Variants in MED12L observed in about 807,000 individuals in gnomAD.
The protein encoded by MED12L is mediator complex subunit 12L, also known as mediator of RNA polymerase II transcription subunit 12-like protein.
In MED12L, 60 loss-of-function variants were observed where a neutral mutation model predicts 281.3. The ratio of observed to expected loss-of-function variants is 0.21; its 90% CI spans 0.17 to 0.26. The LOEUF (loss-of-function observed/expected upper bound fraction) is 0.26, where lower values mean the gene tolerates loss of function less well. MED12L is among the 10% of genes least tolerant of loss of function. MED12L has a pLI of 1.00. For synonymous variants in MED12L, 974 were observed against 987.2 expected (o/e 0.99, Z 0.25); for missense variants, 2,146 against 2,680.9 (o/e 0.80, Z 4.41).
intron 16 of MED12L, among the ~76,000 whole-genome samples, chr3:151,217,163 C>T (rs938329593): frequency 6.6e-6 from 1 of 152,060 alleles, no homozygotes; most frequent in Admixed American, 6.5e-5. Flanking sequence ...TTAATGAGAG[C>T]CAAATTCCTT....
chr3:151,199,125 G>A (rs1305982021), intron 16 of MED12L: 2 of 1,613,860 alleles, frequency 1.2e-6, no homozygotes, highest in Non-Finnish European at 1.7e-6. Flanking sequence ...GCTGTTACTT[G>A]GCAGTGGAAT....
chr3:151,251,133 G>T (rs530745847), intron 16 of MED12L, among the ~76,000 whole-genome samples: 42 of 152,248 alleles, frequency 2.8e-4, no homozygotes, highest in African/African-American at 7.7e-4. Flanking sequence ...TGAGCCCCAT[G>T]CTTTTGCCTT....
chr3:151,406,222 C>A (rs1350313657), intron 39 of MED12L, among the ~76,000 whole-genome samples: 1 of 152,184 alleles, frequency 6.6e-6, no homozygotes, highest in Non-Finnish European at 1.5e-5. Flanking sequence ...TTTACTAATT[C>A]TCAGTCTCTA....
In MED12L at chr3:151,383,833, G is replaced by A; in HGVS notation, c.4735G>A (p.Ala1579Thr). 4 of 1,614,038 alleles carry A rather than the reference G, an allele frequency of 2.5e-6. No homozygotes were observed. The highest frequency in any genetic ancestry group is 3.4e-6 in the Non-Finnish European group (4 of 1,179,950). ...QRSTQWTTDW[A>T]LLLLQIITSG... ...GAGCACCCAGTGGACTACAGACTGG[G>A]CCCTGCTACTCCTTCAGATCATTAC... The change falls in exon 34 of 45, where the codon GCC becomes ACC. Residue 1579 changes from alanine (A) to threonine (T), a missense_variant. Physicochemically the swap from Ala to Thr is moderately conservative, Grantham distance 58. This residue lies in a region of MED12L where 212 missense variants were observed against 340.8 expected (regional missense o/e 0.62). Coordinates refer to ENST00000687756, the MANE Select transcript of MED12L (RefSeq NM_001393769.1).
rs190030721 is a variant in MED12L at position 151,145,511 on chromosome 3, C to T, written c.557-10650C>T. Reference sequence around the variant, plus strand: ...AATATCTCCAGCATTTTAAATCTGGCGTATTCAAAACTAAACTGAAAACTG... The same window carrying T: ...AATATCTCCAGCATTTTAAATCTGGTGTATTCAAAACTAAACTGAAAACTG... On this transcript the variant is annotated intron_variant, in intron 5 of 44. Coordinates refer to ENST00000687756, the MANE Select transcript of MED12L (RefSeq NM_001393769.1). 1.9e-3 allele frequency among the ~76,000 whole-genome samples: 290 copies of T among 152,252 alleles called. 1 individual carries two copies. Among genetic ancestry groups the T allele is most frequent in the African/African-American group, 6.4e-3 (266 of 41,536 alleles).
At chr3:151,096,678 T>C (rs1458214830) in intron 2 of MED12L, among the ~76,000 whole-genome samples, 1 of 152,186 alleles carries the variant, frequency 6.6e-6, no homozygotes, top group Non-Finnish European at 1.5e-5. Flanking sequence ...CCATGCATGT[T>C]TATAGCTAGA....
At chr3:151,245,955 A>G (rs1474456351) in intron 16 of MED12L, among the ~76,000 whole-genome samples, 1 of 151,336 alleles carries the variant, frequency 6.6e-6, no homozygotes, top group Non-Finnish European at 1.5e-5. Flanking sequence ...CAAAAATCAC[A>G]AGCATTCTTA....
chr3:151,178,664 A>G (rs374157647), intron 11 of MED12L, among the ~76,000 whole-genome samples: 80 of 152,298 alleles, frequency 5.3e-4, no homozygotes, highest in African/African-American at 1.9e-3. Context: ...TGCTATCTCT[A>G]TGCCTTGCAG....
intron 2 of MED12L, among the ~76,000 whole-genome samples, chr3:151,105,056 G>A (rs1721835983): frequency 6.6e-6 from 1 of 152,128 alleles, no homozygotes; most frequent in Non-Finnish European, 1.5e-5. Flanking sequence ...TTGAGGGACC[G>A]AATTCTACCC....
At chr3:151,316,379 A>G (rs908617779) in intron 16 of MED12L, 4 of 152,198 alleles carry the variant, frequency 2.6e-5, no homozygotes, top group Non-Finnish European at 5.9e-5. Context: ...TTGAAGGCAC[A>G]ATATGTAGTT....
At position 151,435,435 on chromosome 3, in the gene MED12L, T is replaced by C. The variant is rs1471124397; in HGVS notation, c.*2631T>C. On this transcript the variant is annotated 3_prime_UTR_variant, in exon 45 of 45. Coordinates refer to ENST00000687756, the MANE Select transcript of MED12L (RefSeq NM_001393769.1). The stretch of plus-strand genomic sequence containing the variant: ...ACAGGGTACTAACATCAGACATAAG[T>C]TGCAACCAGGTCACATTTTAGGCTG... 5 of 152,166 alleles carry C rather than the reference T, an allele frequency of 3.3e-5. No individual in the cohort carries two copies. The highest frequency in any genetic ancestry group is 1.2e-4 in the African/African-American group (5 of 41,442). 9.4% of individuals were successfully genotyped at this position (152,166 alleles called of 1,614,324 possible).
Position 151,436,200 on chromosome 3 carries a change from T to TTATTTTCTG in MED12L, c.*3399_*3407dup, listed in dbSNP as rs1462402310. 2 of 153,952 alleles carry TTATTTTCTG rather than the reference T, an allele frequency of 1.3e-5. No homozygotes were observed. Among genetic ancestry groups the TTATTTTCTG allele is most frequent in the African/African-American group, 4.8e-5 (2 of 41,424 alleles). 9.5% of individuals were successfully genotyped at this position (153,952 alleles called of 1,614,324 possible). On this transcript the variant is annotated 3_prime_UTR_variant, in exon 45 of 45. Transcript: ENST00000687756. ...GGTGAATCATAAGACAGTTCAGTGC[T>TTATTTTCTG]TATTTTCTGTAGGTTTTAGCAAAAA...
At chr3:151,173,485 A>G (rs1721677337) in intron 11 of MED12L, among the ~76,000 whole-genome samples, 2 of 152,230 alleles carry the variant, frequency 1.3e-5, no homozygotes, top group African/African-American at 2.4e-5. Flanking sequence ...GCCATGAACA[A>G]TTTTCACCAA....
chr3:151,304,929 G>C (rs866220858), intron 16 of MED12L, among the ~76,000 whole-genome samples: 5 of 152,190 alleles, frequency 3.3e-5, no homozygotes. Flanking sequence ...GTTGAGGGGG[G>C]TGGATCCTTG....
intron 16 of MED12L, among the ~76,000 whole-genome samples, chr3:151,268,422 G>T (rs1328712143): frequency 1.3e-5 from 2 of 152,182 alleles, no homozygotes; most frequent in Non-Finnish European, 2.9e-5. Flanking sequence ...TCTGTGCTGA[G>T]TTAAACTGCT....
At chr3:151,104,545 G>A (rs780988215) in intron 2 of MED12L, among the ~76,000 whole-genome samples, 1 of 152,110 alleles carries the variant, frequency 6.6e-6, no homozygotes, top group Non-Finnish European at 1.5e-5. Context: ...CTGCAGTAAT[G>A]GTCTCCATGC....
At chr3:151,137,864 G>A (rs980668917) in intron 5 of MED12L, among the ~76,000 whole-genome samples, 3 of 151,616 alleles carry the variant, frequency 2.0e-5, no homozygotes, top group South Asian at 4.2e-4. Flanking sequence ...CTGCAGTAAG[G>A]TACACTGTTT....
chr3:151,309,113 A>G (rs13091740), intron 16 of MED12L, among the ~76,000 whole-genome samples: 91 of 111,622 alleles, frequency 8.2e-4, no homozygotes, highest in Admixed American at 2.4e-3. Flanking sequence ...ATTTCATGAA[A>G]TACACGCACA....
intron 16 of MED12L, among the ~76,000 whole-genome samples, chr3:151,236,508 G>A (rs1732840824): frequency 6.6e-6 from 1 of 152,150 alleles, no homozygotes; most frequent in Non-Finnish European, 1.5e-5. Flanking sequence ...CAAAACGAAA[G>A]CCAAGACCTT....
Sources: allele counts gnomAD v4.1 joint callset (sites outside exome capture counted in the v4.1 genomes callset), GRCh38; gene constraint gnomAD v4.1.1; regional missense constraint gnomAD v4.1.1; transcripts MANE v1.5; gene names NCBI Gene and HGNC (gene_info 2026-07-23, HGNC 2026-07-21).